Variants in TCF20 observed in about 807,000 individuals in gnomAD.
The protein encoded by TCF20 is SPRE-binding protein.
Under a neutral mutation model 148.6 loss-of-function variants are expected in TCF20, and 3 were observed. The observed-to-expected ratio is 0.02, with a 90% CI of 0.01 to 0.05. TCF20 has a LOEUF of 0.05. Among genes scored for constraint, TCF20 ranks in the 10% least tolerant of loss-of-function variants. The pLI is 1.00. For synonymous variants in TCF20, 1,049 were observed against 909.5 expected, an observed-to-expected ratio of 1.15 and a Z score of -2.76; for missense variants, 2,350 against 2,429.3, an observed-to-expected ratio of 0.97 and a Z score of 0.69.
At chr22:42,218,099 G>C (rs1268169522) in intron 1 of TCF20, among the ~76,000 whole-genome samples, 1 of 152,314 alleles carries the variant, frequency 6.6e-6, no homozygotes, top group Non-Finnish European at 1.5e-5. Context: ...GATGCTGCTT[G>C]ACACTGTTCC....
chr22:42,262,713 G>T (rs986586359), intron 1 of TCF20, among the ~76,000 whole-genome samples: 2 of 152,052 alleles, frequency 1.3e-5, no homozygotes, highest in Non-Finnish European at 2.9e-5. Flanking sequence ...CCAGAGGTGG[G>T]AAGAGACACT....
intron 1 of TCF20, among the ~76,000 whole-genome samples, chr22:42,267,661 A>C (rs1926360703): frequency 6.6e-6 from 1 of 152,248 alleles, no homozygotes; most frequent in Non-Finnish European, 1.5e-5. Flanking sequence ...AGATAGTGCC[A>C]CTGCACTCCA....
chr22:42,255,661 AG>A (rs377191276), intron 1 of TCF20, among the ~76,000 whole-genome samples: 6 of 152,318 alleles, frequency 3.9e-5, no homozygotes, highest in African/African-American at 1.4e-4. Flanking sequence ...TAAATTTTAC[AG>A]ATCCTTCTTA....
At chr22:42,284,157 C>A (rs1046142377), upstream of TCF20, among the ~76,000 whole-genome samples, 1 of 152,084 alleles carries the variant, frequency 6.6e-6, no homozygotes, top group Non-Finnish European at 1.5e-5. Flanking sequence ...AGCACCCGAT[C>A]CCCCCTCGCC....
At chr22:42,257,874 A>T (rs1337737609) in intron 1 of TCF20, among the ~76,000 whole-genome samples, 5 of 152,202 alleles carry the variant, frequency 3.3e-5, no homozygotes, top group Non-Finnish European at 7.3e-5. Context: ...CCTTTCTTCC[A>T]TCTTATTCTG....
chr22:42,230,303 T>C (rs1296524349), intron 1 of TCF20, among the ~76,000 whole-genome samples: 1 of 152,232 alleles, frequency 6.6e-6, no homozygotes, highest in African/African-American at 2.4e-5. Context: ...GCTGTCATAA[T>C]GCAACATATT....
intron 3 of TCF20, among the ~76,000 whole-genome samples, chr22:42,174,871 T>C (rs776058493): frequency 2.0e-5 from 3 of 151,938 alleles, no homozygotes; most frequent in Admixed American, 6.6e-5. Context: ...CCGTCTCTAC[T>C]AAAAACAGAA....
intron 1 of TCF20, among the ~76,000 whole-genome samples, chr22:42,227,998 G>C (rs920610275): frequency 1.3e-5 from 2 of 152,234 alleles, no homozygotes; most frequent in African/African-American, 4.8e-5. Context: ...GTTACTGTTT[G>C]TGAAGTACCA....
chr22:42,226,069 C>A (rs924115518), intron 1 of TCF20, among the ~76,000 whole-genome samples: 2 of 152,144 alleles, frequency 1.3e-5, no homozygotes, highest in South Asian at 2.1e-4. Flanking sequence ...GCACCTGGGC[C>A]CTATCCTGGC....
chr22:42,257,892 A>C (rs1033197045), intron 1 of TCF20, among the ~76,000 whole-genome samples: 1 of 152,244 alleles, frequency 6.6e-6, no homozygotes, highest in East Asian at 1.9e-4. Context: ...CTGTTTTGAT[A>C]TAACACTTAG....
chr22:42,268,123 A>G (rs184670504), intron 1 of TCF20, among the ~76,000 whole-genome samples: 202 of 152,252 alleles, frequency 1.3e-3, no homozygotes, highest in African/African-American at 4.7e-3. Context: ...TCCAGCCTGG[A>G]CAACAGAACA....
At chr22:42,246,113 C>CT (rs745339041) in intron 1 of TCF20, among the ~76,000 whole-genome samples, 2 of 151,926 alleles carry the variant, frequency 1.3e-5, no homozygotes, top group South Asian at 4.2e-4. Context: ...TTTCTTTTTT[C>CT]TTTTTTTTCT....
chr22:42,207,730 G>A (rs1055293138), intron 2 of TCF20, among the ~76,000 whole-genome samples: 4 of 152,188 alleles, frequency 2.6e-5, no homozygotes, highest in East Asian at 1.9e-4. Context: ...CAAGAGAATC[G>A]CTTGAACCTG....
chr22:42,316,824 C>T (rs899792014), intron 1 of TCF20, among the ~76,000 whole-genome samples: 2 of 152,218 alleles, frequency 1.3e-5, no homozygotes, highest in African/African-American at 4.8e-5. Flanking sequence ...TCCTGGATCA[C>T]AGTCAAACTC....
intron 1 of TCF20, among the ~76,000 whole-genome samples, chr22:42,218,898 GAA>G (rs58095233): frequency 1.6e-4 from 22 of 141,418 alleles, no homozygotes; most frequent in East Asian, 1.0e-3. Context: ...TTATGAAAAA[GAA>G]AAAAAAAAAA....
intron 3 of TCF20, among the ~76,000 whole-genome samples, chr22:42,173,379 T>TG (rs990084179): frequency 6.6e-6 from 1 of 150,554 alleles, no homozygotes; most frequent in Non-Finnish European, 1.5e-5. Context: ...CAACATCAGG[T>TG]GGGGGGGAAG....
chr22:42,206,204 TA>T (rs1938373800), intron 2 of TCF20, among the ~76,000 whole-genome samples: 1 of 152,170 alleles, frequency 6.6e-6, no homozygotes, highest in Non-Finnish European at 1.5e-5. Context: ...ATGTTAATAA[TA>T]AATGTTGAAA....
chr22:42,229,742 G>A (rs1257402211), intron 1 of TCF20, among the ~76,000 whole-genome samples: 2 of 152,118 alleles, frequency 1.3e-5, no homozygotes, highest in East Asian at 1.9e-4. Flanking sequence ...ATTCCTCAAG[G>A]CCATTTGGCT....
At position 42,211,663 on chromosome 22, in the gene TCF20, G is replaced by A. The variant is rs778975222; in HGVS notation, c.3643C>T (p.Pro1215Ser). 6.8e-6 allele frequency: 11 copies of A among 1,614,100 alleles called. No homozygotes were observed. The highest frequency in any genetic ancestry group is 7.6e-6 in the Non-Finnish European group (9 of 1,180,048). ...AGTCCATGTCCATCAGTCTCATGGG[G>A]CGGCCCATACCTTTTTTGACTGGAC... The part of the protein sequence containing the change: ...GMSSQKRYGP[P>S]HETDGHGLAE... The change falls in exon 2 of 6, where the codon CCC becomes TCC. Residue 1215 changes from proline to serine, a missense_variant. By Grantham distance (74) the Pro-to-Ser change is moderately conservative (BLOSUM62 -1). This residue lies in a region of TCF20 where 1,641 missense variants were observed against 1,662.6 expected (regional missense o/e 0.99). Transcript: ENST00000677622.
Sources: allele counts gnomAD v4.1 joint callset (sites outside exome capture counted in the v4.1 genomes callset), GRCh38; gene constraint gnomAD v4.1.1; regional missense constraint gnomAD v4.1.1; transcripts MANE v1.5; gene names NCBI Gene and HGNC (gene_info 2026-07-23, HGNC 2026-07-21).